The following PRKG1 variants were observed in gnomAD, a reference collection of about 807,000 sequenced individuals.
PRKG1 encodes cGMP-dependent protein kinase 1.
Under a neutral mutation model 88.1 loss-of-function variants are expected in PRKG1, and 35 were observed. The ratio of observed to expected loss-of-function variants is 0.40; its 90% CI spans 0.30 to 0.53. PRKG1 has a LOEUF of 0.53. PRKG1 is among the 20% of genes least tolerant of loss of function. PRKG1 has a pLI of 0.59. For missense variants in PRKG1, 540 were observed against 839.8 expected, an observed-to-expected ratio of 0.64 and a Z score of 4.41; for synonymous variants, 303 against 292.5, an observed-to-expected ratio of 1.04 and a Z score of -0.37.
At chr10:51,997,469 CAAA>C (rs200543963) in intron 5 of PRKG1, among the ~76,000 whole-genome samples, 2 of 71,628 alleles carry the variant, frequency 2.8e-5, no homozygotes, top group African/African-American at 7.1e-5. Context: ...GACTCTGTCT[CAAA>C]AAAAAAAAAA....
rs191001401 is a variant in PRKG1 at position 51,210,930 on chromosome 10, T to C, written c.478+57600T>C. 2.4e-3 allele frequency among the ~76,000 whole-genome samples: 362 copies of C among 152,160 alleles called. 2 individuals carry two copies. Among genetic ancestry groups the C allele is most frequent in the African/African-American group, 8.3e-3 (344 of 41,490 alleles). ...TTCCTTCTGAAACTATTCTAATCAA[T>C]GGAAAAAGAGGGAATCCTCCCAAAC... On this transcript the variant is annotated intron_variant, in intron 2 of 17. Transcript: ENST00000373980.
chr10:51,997,364 G>A (rs190220426), intron 5 of PRKG1, among the ~76,000 whole-genome samples: 2 of 151,350 alleles, frequency 1.3e-5, no homozygotes, highest in African/African-American at 2.4e-5. Flanking sequence ...CCAGCTACTC[G>A]GGAGGCTGAG....
At chr10:51,010,733 T>G (rs781518442) in intron 1 of PRKG1, among the ~76,000 whole-genome samples, 2 of 152,212 alleles carry the variant, frequency 1.3e-5, no homozygotes, top group Non-Finnish European at 2.9e-5. Context: ...ACTGATGTGT[T>G]TTACAGGTTA....
chr10:51,610,028 C>T (rs925521355), intron 3 of PRKG1, among the ~76,000 whole-genome samples: 2 of 152,032 alleles, frequency 1.3e-5, no homozygotes, highest in Non-Finnish European at 2.9e-5. Context: ...TGTATTTGTA[C>T]ATATTTATGG....
chr10:51,692,061 A>G (rs1004231545), intron 3 of PRKG1, among the ~76,000 whole-genome samples: 1 of 152,168 alleles, frequency 6.6e-6, no homozygotes, highest in Non-Finnish European at 1.5e-5. Flanking sequence ...AATATATTGT[A>G]TTAATAGTTG....
At chr10:51,335,803 T>C (rs1164166705) in intron 2 of PRKG1, among the ~76,000 whole-genome samples, 2 of 152,198 alleles carry the variant, frequency 1.3e-5, no homozygotes, top group Non-Finnish European at 2.9e-5. Flanking sequence ...ACAAAGATCA[T>C]TGAGTAGTTA....
chr10:52,098,164 T>A (rs903294552), intron 7 of PRKG1, among the ~76,000 whole-genome samples: 1 of 152,188 alleles, frequency 6.6e-6, no homozygotes, highest in African/African-American at 2.4e-5. Flanking sequence ...GAAGCAATAA[T>A]CATTTCTATG....
At chr10:52,211,462 G>C (rs797009002) in intron 9 of PRKG1, among the ~76,000 whole-genome samples, 4 of 152,218 alleles carry the variant, frequency 2.6e-5, no homozygotes, top group African/African-American at 9.6e-5. Flanking sequence ...GGTTTTGTTT[G>C]CGAGTTCAAC....
At chr10:51,402,988 A>G (rs1837794671) in intron 2 of PRKG1, among the ~76,000 whole-genome samples, 1 of 152,212 alleles carries the variant, frequency 6.6e-6, no homozygotes, top group African/African-American at 2.4e-5. Flanking sequence ...ACTACACACA[A>G]AGCAAATAAT....
chr10:51,520,119 T>A (rs1841697729), intron 3 of PRKG1, among the ~76,000 whole-genome samples: 1 of 152,036 alleles, frequency 6.6e-6, no homozygotes, highest in Non-Finnish European at 1.5e-5. Flanking sequence ...CTTTTGAGCC[T>A]AAAGAACTCC....
intron 5 of PRKG1, among the ~76,000 whole-genome samples, chr10:52,019,078 G>A (rs1030541598): frequency 6.6e-6 from 1 of 152,168 alleles, no homozygotes; most frequent in East Asian, 1.9e-4. Context: ...AAAAAGTTAA[G>A]AGGAGCTGCT....
At chr10:51,353,158 C>T (rs949330704) in intron 2 of PRKG1, among the ~76,000 whole-genome samples, 9 of 151,980 alleles carry the variant, frequency 5.9e-5, no homozygotes, top group Admixed American at 4.6e-4. Context: ...AATAGATTAA[C>T]AATTTAAAGC....
rs940354001 is a variant in PRKG1 at position 51,153,418 on chromosome 10, A to G, written c.478+88A>G. ...CACAGATGGCAATGCATTACATGGA[A>G]AATTCCATTTTTCCTTCTTTTATTG... On this transcript the variant is annotated intron_variant, in intron 2 of 17. Transcript: ENST00000373980. The G allele has an allele frequency of 7.1e-6, 9 of 1,270,770 alleles. No homozygotes were observed. The African/African-American group carries it at 1.2e-4, about 17-fold the overall frequency. The allele number at this position is 1,270,770 out of a possible 1,614,324, so 78.7% of individuals were successfully genotyped here.
rs1842777153 is a variant in PRKG1 at position 51,374,415 on chromosome 10, T to A, written c.479-93308T>A. On this transcript the variant is annotated intron_variant, in intron 2 of 17. Transcript: ENST00000373980. ...TTCATCTATGTCCCTGCAAAGGACA[T>A]GAACTCATCCTTTTTTATGGCTGCA... is the stretch of plus-strand genomic sequence containing the variant. Among the ~76,000 whole-genome samples, 4 of 152,046 alleles carry A rather than the reference T, an allele frequency of 2.6e-5. No individual in the cohort carries two copies. The South Asian group carries it at 8.3e-4, about 32-fold the overall frequency.
chr10:51,422,661 A>T (rs555222018), intron 2 of PRKG1, among the ~76,000 whole-genome samples: 2 of 149,216 alleles, frequency 1.3e-5, no homozygotes, highest in African/African-American at 5.2e-5. Flanking sequence ...TGAATCTTGT[A>T]TGTTTCCAGG....
chr10:51,529,462 ACT>A (rs546546986), intron 3 of PRKG1, among the ~76,000 whole-genome samples: 116 of 152,060 alleles, frequency 7.6e-4, no homozygotes, highest in African/African-American at 2.6e-3. Flanking sequence ...CTTCCTAAAG[ACT>A]CTCTAACAAT....
rs1324349358 is a variant in PRKG1 at position 52,010,943 on chromosome 10, C to T, written c.763-43541C>T. Among the ~76,000 whole-genome samples, 3 of 152,164 alleles carry T rather than the reference C, an allele frequency of 2.0e-5. No homozygotes were observed. In the East Asian group the frequency reaches 5.8e-4, roughly 29 times the overall value. ...AGAGACTTTGTCATTTTGTTCATCC[C>T]TTCTGGAGGTATTTAGTAACCCAAA... is the stretch of plus-strand genomic sequence containing the variant. On this transcript the variant is annotated intron_variant, in intron 5 of 17. Transcript: ENST00000373980.
At chr10:52,131,816 CAAAAAAAAAAAAAA>C (rs71459439) in intron 7 of PRKG1, among the ~76,000 whole-genome samples, 15 of 44,084 alleles carry the variant, frequency 3.4e-4, no homozygotes, top group South Asian at 1.5e-3. Flanking sequence ...GAAACTCCAT[CAAAAAAAAAAAAAA>C]AAAAAAAAAA....
intron 1 of PRKG1, among the ~76,000 whole-genome samples, chr10:51,014,466 C>T (rs765410826): frequency 5.9e-5 from 9 of 152,040 alleles, no homozygotes; most frequent in East Asian, 3.9e-4. Flanking sequence ...AAAACACTAA[C>T]GATAGTAATA....
Sources: allele counts gnomAD v4.1 joint callset (sites outside exome capture counted in the v4.1 genomes callset), GRCh38; gene constraint gnomAD v4.1.1; transcripts MANE v1.5; gene names NCBI Gene and HGNC (gene_info 2026-07-23, HGNC 2026-07-21).